The following CCDC169 variants were observed in gnomAD, a reference collection of about 807,000 sequenced individuals.
CCDC169 encodes the protein coiled-coil domain-containing protein 169.
CCDC169 carries 30 observed loss-of-function variants against 36.0 expected under a neutral mutation model. The ratio of observed to expected loss-of-function variants is 0.83; its 90% CI spans 0.62 to 1.13. CCDC169 has a LOEUF of 1.13. CCDC169 is among the 50% of genes most tolerant of loss of function. CCDC169 has a pLI of 0.00. For synonymous variants in CCDC169, 85 were observed against 81.5 expected, an observed-to-expected ratio of 1.04 and a Z score of -0.23; for missense variants, 245 against 245.9, an observed-to-expected ratio of 1.00 and a Z score of 0.03.
Position 36,253,840 on chromosome 13 carries a change from T to C in CCDC169, c.431A>G (p.Asn144Ser), listed in dbSNP as rs1270707762. The change falls in exon 6 of 8, where the codon AAC becomes AGC. Residue 144 changes from asparagine to serine, a missense_variant. Asn to Ser is a conservative substitution (Grantham distance 46, BLOSUM62 1). Coordinates refer to ENST00000239859, the MANE Select transcript of CCDC169 (RefSeq NM_001144981.3). ...EQESKAYQKI[N>S]NERRTYLAEM... ...AGCTAGGTATGTACGGCGTTCATTG[T>C]TGATCTTCTGGTAAGCCTGTGTGAA... 5 of 1,551,258 alleles carry C rather than the reference T, an allele frequency of 3.2e-6. No individual in the cohort carries two copies. The highest frequency in any genetic ancestry group is 1.4e-5 in the African/African-American group (1 of 73,150).
intron 4 of CCDC169, among the ~76,000 whole-genome samples, chr13:36,279,780 C>G (rs185991588): frequency 6.6e-6 from 1 of 152,182 alleles, no homozygotes; most frequent in Non-Finnish European, 1.5e-5. Context: ...TCCCTTTATA[C>G]TACAGCAGCA....
At chr13:36,282,659 CTGT>C in intron 4 of CCDC169, 1 of 432,788 alleles carries the variant, frequency 2.3e-6, no homozygotes, top group Non-Finnish European at 3.1e-6. Flanking sequence ...ATATAATTCT[CTGT>C]CTCTGGATCT....
intron 6 of CCDC169, 115 bp from the exon 7 acceptor site, chr13:36,248,797 G>GT: frequency 1.1e-6 from 1 of 875,456 alleles, no homozygotes; most frequent in Non-Finnish European, 1.7e-6. Context: ...TGCAGCATGT[G>GT]TAAGAGAAGC....
chr13:36,295,726 A>T, intron 2 of CCDC169, 52 bp downstream of exon 2: 1 of 945,654 alleles, frequency 1.1e-6, no homozygotes, highest in Non-Finnish European at 1.6e-6. Flanking sequence ...TATCCTGGTA[A>T]AATGAACAAT....
rs1998800 is a variant in CCDC169, at chr13:36,283,502, T to G, written c.282A>C (p.Leu94=). 15 of 1,550,164 alleles carry G rather than the reference T, an allele frequency of 9.7e-6. No homozygotes were observed. Among genetic ancestry groups the G allele is most frequent in the Non-Finnish European group, 1.1e-5 (13 of 1,146,012 alleles). The part of the protein sequence containing the change: ...EKIHGNSSDR[L]SSIRVYERMP... Reference sequence around the variant, plus strand: ...TTCGTTCATAGACACGAATAGAAGATAGTCTATCTACAATAAATCAAATAT... The same window carrying G: ...TTCGTTCATAGACACGAATAGAAGAGAGTCTATCTACAATAAATCAAATAT... Residue 94 remains leucine (L), a synonymous_variant, in exon 4 of 8, where the codon CTA becomes CTC. Coordinates refer to ENST00000239859, the MANE Select transcript of CCDC169 (RefSeq NM_001144981.3).
chr13:36,246,028 A>G (rs1395165647), intron 7 of CCDC169, among the ~76,000 whole-genome samples: 1 of 152,238 alleles, frequency 6.6e-6, no homozygotes, highest in East Asian at 1.9e-4. Context: ...CAAACTGTTT[A>G]ATAAAGGTAT....
chr13:36,292,232 G>A (rs1288230805), intron 2 of CCDC169, among the ~76,000 whole-genome samples: 2 of 152,072 alleles, frequency 1.3e-5, no homozygotes, highest in Non-Finnish European at 2.9e-5. Flanking sequence ...GACCTCAGGT[G>A]ATCTGCCTGC....
At chr13:36,259,713 G>C (rs1874372592) in intron 4 of CCDC169, among the ~76,000 whole-genome samples, 1 of 151,866 alleles carries the variant, frequency 6.6e-6, no homozygotes, top group Non-Finnish European at 1.5e-5. Flanking sequence ...TGAAGACTTG[G>C]CCCACGACCA....
At chr13:36,223,282 T>C (rs1401657481), downstream of CCDC169, 1 of 152,196 alleles carries the variant, frequency 6.6e-6, no homozygotes, top group Non-Finnish European at 1.5e-5. Flanking sequence ...AGCAATCAAA[T>C]ACACACCTCC....
intron 6 of CCDC169, among the ~76,000 whole-genome samples, chr13:36,252,080 G>C (rs1004038197): frequency 6.6e-6 from 1 of 152,168 alleles, no homozygotes; most frequent in Non-Finnish European, 1.5e-5. Flanking sequence ...TGCCATTACA[G>C]TCTGGTCTTT....
chr13:36,264,662 C>A (rs1437007170), intron 4 of CCDC169, among the ~76,000 whole-genome samples: 4 of 152,240 alleles, frequency 2.6e-5, no homozygotes, highest in Non-Finnish European at 5.9e-5. Flanking sequence ...TTTTAATATA[C>A]CTGTACTTCC....
At chr13:36,273,713 C>T (rs544656497) in intron 4 of CCDC169, among the ~76,000 whole-genome samples, 2 of 152,202 alleles carry the variant, frequency 1.3e-5, no homozygotes, top group South Asian at 4.1e-4. Context: ...TTAGAAATTC[C>T]ATCAATGTTT....
chr13:36,276,088 C>A (rs565961052), intron 4 of CCDC169, among the ~76,000 whole-genome samples: 47 of 152,296 alleles, frequency 3.1e-4, no homozygotes, highest in African/African-American at 9.6e-4. Flanking sequence ...CAAGCTGAAA[C>A]ATATGTCTGA....
chr13:36,229,664 A>C (rs1870209046), downstream of CCDC169, among the ~76,000 whole-genome samples: 1 of 150,532 alleles, frequency 6.6e-6, no homozygotes, highest in African/African-American at 2.5e-5. Flanking sequence ...CAGCCTCCTG[A>C]GTAGCTGGGA....
rs181681606 is a variant in CCDC169 at position 36,273,868 on chromosome 13, C to T, written c.315+9601G>A. Among the ~76,000 whole-genome samples, 14 of 152,290 alleles carry T rather than the reference C, an allele frequency of 9.2e-5. No individual in the cohort carries two copies. In the East Asian group the frequency reaches 2.7e-3, roughly 29 times the overall value. ...CTTCACTATTATCTTTAAGCTTTAA[C>T]ACCTTGGTTTCTTCCTCCAGCCTCT... On this transcript the variant is annotated intron_variant, in intron 4 of 7. Coordinates refer to ENST00000239859, the MANE Select transcript of CCDC169 (RefSeq NM_001144981.3).
intron 2 of CCDC169, among the ~76,000 whole-genome samples, chr13:36,288,872 A>G (rs555244767): frequency 6.6e-6 from 1 of 152,268 alleles, no homozygotes; most frequent in African/African-American, 2.4e-5. Context: ...TTTACATGAG[A>G]AAGATTTTAT....
intron 4 of CCDC169, among the ~76,000 whole-genome samples, chr13:36,264,028 A>G (rs1269737618): frequency 6.6e-6 from 1 of 152,206 alleles, no homozygotes; most frequent in Non-Finnish European, 1.5e-5. Context: ...AAATGAATCC[A>G]ACCCTTTTTA....
intron 7 of CCDC169, chr13:36,240,592 T>G (rs1174054409): frequency 7.8e-7 from 1 of 1,273,900 alleles, no homozygotes; most frequent in Admixed American, 2.4e-5. Flanking sequence ...TCAATTTCCC[T>G]CAGGTTCTTT....
chr13:36,271,639 A>C (rs1370315148), intron 4 of CCDC169, among the ~76,000 whole-genome samples: 1 of 152,202 alleles, frequency 6.6e-6, no homozygotes, highest in East Asian at 1.9e-4. Flanking sequence ...GTAATATTCT[A>C]AGTGAAGTAA....
Sources: gnomAD v4.1 joint callset for allele counts (sites outside exome capture counted in the v4.1 genomes callset) on GRCh38, gnomAD v4.1.1 for gene constraint, MANE v1.5 for transcripts, NCBI Gene and HGNC (gene_info 2026-07-23, HGNC 2026-07-21) for gene names.